NPR3: variants seen among roughly 807,000 people sequenced by gnomAD.
NPR3 encodes natriuretic peptide receptor 3, also known as atrial natriuretic peptide receptor 3.
NPR3 carries 34 observed loss-of-function variants against 54.5 expected under a neutral mutation model. The ratio of observed to expected loss-of-function variants is 0.62; its 90% CI spans 0.47 to 0.83. The LOEUF is 0.83. NPR3 is among the 40% of genes least tolerant of loss of function. The pLI is 0.00. For missense variants in NPR3, 674 were observed against 720.8 expected, an observed-to-expected ratio of 0.94 and a Z score of 0.74; for synonymous variants, 289 against 297.1, an observed-to-expected ratio of 0.97 and a Z score of 0.28.
Position 32,739,106 on chromosome 5 carries a change from G to A in NPR3, c.1059+76G>A, listed in dbSNP as rs536848440. 72 of 1,447,754 alleles carry A rather than the reference G, an allele frequency of 5.0e-5. 1 individual carries two copies. The South Asian group carries it at 9.3e-4, about 19-fold the overall frequency. The allele number at this position is 1,447,754 out of a possible 1,614,324, so 89.7% of individuals were successfully genotyped here. On this transcript the variant is annotated intron_variant, in intron 3 of 7. Coordinates refer to ENST00000265074, the MANE Select transcript of NPR3 (RefSeq NM_001204375.2). ...CTAATTAAATCAGAGATGACAGAGTGTCCCATTCTGAGCCATTCAAAAATT... is the reference window on the plus strand; with the variant it reads ...CTAATTAAATCAGAGATGACAGAGTATCCCATTCTGAGCCATTCAAAAATT...
chr5:32,770,702 T>C (rs1741710782), intron 3 of NPR3, among the ~76,000 whole-genome samples: 1 of 152,216 alleles, frequency 6.6e-6, no homozygotes, highest in Non-Finnish European at 1.5e-5. Flanking sequence ...TGCTGTTTGG[T>C]GGAGATTGGA....
At chr5:32,700,323 A>G (rs916570579) in intron 1 of NPR3, among the ~76,000 whole-genome samples, 9 of 152,266 alleles carry the variant, frequency 5.9e-5, no homozygotes, top group African/African-American at 2.2e-4. Flanking sequence ...TAAGGCCAGT[A>G]ACTCTTGAAT....
At chr5:32,786,152 C>T (rs1742604497) in intron 7 of NPR3, 82 bp from the exon 8 acceptor site, 2 of 649,302 alleles carry the variant, frequency 3.1e-6, no homozygotes, top group African/African-American at 1.9e-5. Flanking sequence ...ACCCAGATGT[C>T]CCTTGAGGGC....
At chr5:32,694,069 A>G (rs930100864) in intron 1 of NPR3, among the ~76,000 whole-genome samples, 1 of 152,112 alleles carries the variant, frequency 6.6e-6, no homozygotes, top group Non-Finnish European at 1.5e-5. Flanking sequence ...GAGTTTCTGG[A>G]GGATACTGAA....
chr5:32,761,211 TA>T (rs145865388), intron 3 of NPR3, among the ~76,000 whole-genome samples: 8,335 of 147,402 alleles, frequency 0.057, 284 homozygotes, highest in African/African-American at 0.089. Flanking sequence ...TGTTAGTTTC[TA>T]AAAAAAAAAA....
At chr5:32,727,626 A>C (rs1037471158) in intron 2 of NPR3, among the ~76,000 whole-genome samples, 4 of 151,754 alleles carry the variant, frequency 2.6e-5, no homozygotes, top group Non-Finnish European at 4.4e-5. Context: ...GTTTGTTCTT[A>C]GTATTTTATG....
chr5:32,746,036 A>G (rs997811532), intron 3 of NPR3, among the ~76,000 whole-genome samples: 4 of 152,186 alleles, frequency 2.6e-5, no homozygotes, highest in African/African-American at 9.7e-5. Flanking sequence ...ACAAAAAACA[A>G]CATATACCTT....
chr5:32,764,096 G>A (rs1280640639), intron 3 of NPR3, among the ~76,000 whole-genome samples: 1 of 152,156 alleles, frequency 6.6e-6, no homozygotes, highest in African/African-American at 2.4e-5. Context: ...CTTCCGCACA[G>A]AGGGCAGCAG....
rs571507052 is a variant in NPR3, at chr5:32,756,812, T to G, written c.1059+17782T>G. ...GTAAGGAAGTGATCCAGTTTCAGCTTTCTACATATGGCTAGCCAGTTTTCC... is the reference window on the plus strand; with the variant it reads ...GTAAGGAAGTGATCCAGTTTCAGCTGTCTACATATGGCTAGCCAGTTTTCC... On this transcript the variant is annotated intron_variant, in intron 3 of 7. Transcript: ENST00000265074. Among the ~76,000 whole-genome samples the G allele has an allele frequency of 5.9e-5, 9 of 152,374 alleles. No individual in the cohort carries two copies. The East Asian group carries it at 1.3e-3, about 23-fold the overall frequency.
At position 32,739,030 on chromosome 5, in the gene NPR3, C is replaced by T. The variant is rs373766629; in HGVS notation, c.1059C>T (p.Tyr353=). 2.4e-5 allele frequency: 38 copies of T among 1,613,248 alleles called. No homozygotes were observed. Among genetic ancestry groups the T allele is most frequent in the African/African-American group, 6.7e-5 (5 of 74,862 alleles). The change falls in exon 3 of 8, where the codon TAC becomes TAT. Residue 353 remains tyrosine, a splice_region_variant and synonymous_variant. Coordinates refer to ENST00000265074, the MANE Select transcript of NPR3 (RefSeq NM_001204375.2). ...AACAAGGGCTCAATATGGAGGATTA[C>T]GTAAGTGCCTGATTATGAGCCTAGA... ...VEKQGLNMED[Y]VNMFVEGFHD...
upstream of NPR3, among the ~76,000 whole-genome samples, chr5:32,708,600 G>A: frequency 6.6e-6 from 1 of 152,196 alleles, no homozygotes; most frequent in East Asian, 1.9e-4. Context: ...AGGTATTTAA[G>A]TATATCACTT....
intron 2 of NPR3, among the ~76,000 whole-genome samples, chr5:32,733,060 G>A (rs1350871940): frequency 6.6e-6 from 1 of 152,062 alleles, no homozygotes; most frequent in Admixed American, 6.6e-5. Flanking sequence ...GGCTAGGCTG[G>A]TCTCGAACTC....
chr5:32,737,128 A>T (rs817896), intron 2 of NPR3, among the ~76,000 whole-genome samples: 3,968 of 152,056 alleles, frequency 0.026, 167 homozygotes, highest in African/African-American at 0.09. Flanking sequence ...CCCTCCTATT[A>T]AAATCGTGTT....
chr5:32,729,475 A>T (rs1191112881), intron 2 of NPR3, among the ~76,000 whole-genome samples: 2 of 152,216 alleles, frequency 1.3e-5, no homozygotes, highest in Non-Finnish European at 2.9e-5. Flanking sequence ...ATCTGTATAG[A>T]GACTTCGTGT....
chr5:32,782,697 C>T (rs995642721), intron 5 of NPR3, among the ~76,000 whole-genome samples, 196 bp from the exon 6 acceptor site: 5 of 152,108 alleles, frequency 3.3e-5, no homozygotes, highest in Middle Eastern at 3.2e-3. Flanking sequence ...TGTGGACAAC[C>T]GAGGAACGTG....
intron 1 of NPR3, chr5:32,716,607 T>A: frequency 3.3e-6 from 1 of 303,588 alleles, no homozygotes; most frequent in Non-Finnish European, 6.5e-6. Flanking sequence ...CTGGGCAACA[T>A]AGCTAGACCC....
At chr5:32,698,440 G>A (rs1740586513) in intron 1 of NPR3, among the ~76,000 whole-genome samples, 2 of 152,022 alleles carry the variant, frequency 1.3e-5, no homozygotes, top group Admixed American at 1.3e-4. Context: ...GGAGAAGAAT[G>A]AGTATTCTGC....
intron 6 of NPR3, among the ~76,000 whole-genome samples, chr5:32,784,235 C>G (rs946255445): frequency 2.6e-5 from 4 of 152,180 alleles, no homozygotes; most frequent in Non-Finnish European, 5.9e-5. Context: ...CTCACCCAGA[C>G]TCATGTGCAG....
upstream of NPR3, among the ~76,000 whole-genome samples, chr5:32,706,808 T>C (rs971369671): frequency 6.6e-6 from 1 of 152,222 alleles, no homozygotes. Flanking sequence ...TTAATAAAGA[T>C]TGCATTGACA....
Sources: allele counts gnomAD v4.1 joint callset (sites outside exome capture counted in the v4.1 genomes callset), GRCh38; gene constraint gnomAD v4.1.1; transcripts MANE v1.5; gene names NCBI Gene and HGNC (gene_info 2026-07-23, HGNC 2026-07-21).